The following ABCA10 variants were observed in gnomAD, a reference collection of about 807,000 sequenced individuals.
ABCA10 encodes ATP-binding cassette sub-family A member 10.
ABCA10 carries 169 observed loss-of-function variants against 187.5 expected under a neutral mutation model. The ratio of observed to expected loss-of-function variants is 0.90; its 90% CI spans 0.80 to 1.02. The LOEUF (loss-of-function observed/expected upper bound fraction) is 1.02. ABCA10 is among the 50% of genes least tolerant of loss of function. ABCA10 has a pLI of 0.00. For synonymous variants in ABCA10, 574 were observed against 601.8 expected (o/e 0.95, Z 0.68); for missense variants, 1,727 against 1,812.4 (o/e 0.95, Z 0.86).
intron 1 of ABCA10, among the ~76,000 whole-genome samples, chr17:69,244,138 G>A (rs531302179): frequency 6.6e-6 from 1 of 152,042 alleles, no homozygotes; most frequent in Non-Finnish European, 1.5e-5. Context: ...GTGATAATGT[G>A]TAAGTTAAAG....
At chr17:69,185,699 A>G in intron 19 of ABCA10, 56 bp from the exon 20 acceptor site, 1 of 1,405,906 alleles carries the variant, frequency 7.1e-7, no homozygotes, top group Non-Finnish European at 9.8e-7. Flanking sequence ...TGGTTATTTA[A>G]GTCACAAAGA....
At chr17:69,236,442 A>G in intron 1 of ABCA10, among the ~76,000 whole-genome samples, 1 of 152,196 alleles carries the variant, frequency 6.6e-6, no homozygotes, top group Non-Finnish European at 1.5e-5. Flanking sequence ...ATGCACAAAG[A>G]CCTTGAGAAT....
At chr17:69,155,628 AAATT>A (rs1336455866) in intron 29 of ABCA10, among the ~76,000 whole-genome samples, 173 bp downstream of exon 29, 1 of 152,234 alleles carries the variant, frequency 6.6e-6, no homozygotes. Flanking sequence ...GAAGAAGAAA[AAATT>A]AAAAGAATGA....
chr17:69,178,063 T>C (rs1323028709), intron 22 of ABCA10, among the ~76,000 whole-genome samples: 1 of 140,196 alleles, frequency 7.1e-6, no homozygotes, highest in Non-Finnish European at 1.6e-5. Context: ...TGGGAGGTGC[T>C]CAATAACTAA....
At chr17:69,170,515 TA>T (rs1299590438) in intron 25 of ABCA10, among the ~76,000 whole-genome samples, 3 of 151,838 alleles carry the variant, frequency 2.0e-5, no homozygotes, top group Non-Finnish European at 4.4e-5. Context: ...CAATGCCTTG[TA>T]AGGAGTAATT....
intron 1 of ABCA10, among the ~76,000 whole-genome samples, chr17:69,242,244 C>A (rs534520897): frequency 6.6e-6 from 1 of 152,276 alleles, no homozygotes; most frequent in Non-Finnish European, 1.5e-5. Flanking sequence ...AAAGAAATTA[C>A]TAGCCAATAC....
At chr17:69,163,181 A>G (rs1055178553) in intron 27 of ABCA10, among the ~76,000 whole-genome samples, 2 of 152,000 alleles carry the variant, frequency 1.3e-5, no homozygotes, top group Non-Finnish European at 2.9e-5. Context: ...CCATTTTCCC[A>G]TGAGGATTTT....
chr17:69,201,064 A>T (rs1290807938), intron 10 of ABCA10, among the ~76,000 whole-genome samples: 1 of 152,212 alleles, frequency 6.6e-6, no homozygotes, highest in African/African-American at 2.4e-5. Context: ...CATATAGTTT[A>T]ACTGAAAGTC....
intron 20 of ABCA10, among the ~76,000 whole-genome samples, chr17:69,184,867 G>A (rs969573701): frequency 0.015 from 1,379 of 90,582 alleles, 13 homozygotes; most frequent in Non-Finnish European, 0.026. Flanking sequence ...GTGTGTGTGT[G>A]TGTGTATATA....
intron 9 of ABCA10, among the ~76,000 whole-genome samples, chr17:69,206,115 T>C (rs903335809): frequency 2.0e-5 from 3 of 152,240 alleles, no homozygotes; most frequent in South Asian, 2.1e-4. Context: ...AAGAACATTA[T>C]TGTTCTTATT....
chr17:69,191,285 TTC>T lies in ABCA10; in HGVS notation c.1900_1901del (p.Glu634LysfsTer7), dbSNP rs1491521977. The T allele has an allele frequency of 2.5e-6, 4 of 1,597,970 alleles. No homozygotes were observed. The South Asian group carries it at 4.5e-5, about 18-fold the overall frequency. On this transcript the variant is annotated frameshift_variant, in exon 17 of 39. Coordinates refer to ENST00000690296, the MANE Select transcript of ABCA10 (RefSeq NM_001377321.1). ...GCTGCTTAATAAGGGATGTGATTTT[TTC>T]TGTGTCACACATTTCATTCCTGTGT... The part of the protein sequence containing the change: ...SLHRNEMCDT[E>X]KITSLIKQHI...
At chr17:69,205,767 G>A (rs1001855184) in intron 9 of ABCA10, among the ~76,000 whole-genome samples, 5 of 152,180 alleles carry the variant, frequency 3.3e-5, no homozygotes, top group African/African-American at 4.8e-5. Flanking sequence ...GATTACTTGT[G>A]CTTCTGGGCA....
chr17:69,175,357 CA>C, intron 23 of ABCA10, 48 bp downstream of exon 23: 1 of 1,509,728 alleles, frequency 6.6e-7, no homozygotes. Context: ...GCAATTACTA[CA>C]GTCAAATAAA....
intron 32 of ABCA10, 97 bp from the exon 33 acceptor site, chr17:69,153,643 A>T (rs1413323709): frequency 8.7e-6 from 13 of 1,493,868 alleles, no homozygotes; most frequent in Non-Finnish European, 1.2e-5. Context: ...TCTAGATAGT[A>T]AATTTAAGCT....
At chr17:69,209,436 C>G (rs2074619367) in intron 9 of ABCA10, among the ~76,000 whole-genome samples, 2 of 152,170 alleles carry the variant, frequency 1.3e-5, no homozygotes. Context: ...AATTGGAAAA[C>G]TGTATTATTT....
chr17:69,160,432 C>T (rs999896359), intron 27 of ABCA10, among the ~76,000 whole-genome samples: 15 of 152,026 alleles, frequency 9.9e-5, no homozygotes, highest in African/African-American at 3.6e-4. Context: ...CATGGTGAAA[C>T]CCCCTCTCTA....
At chr17:69,212,084 C>T (rs1056381301) in intron 9 of ABCA10, among the ~76,000 whole-genome samples, 7 of 152,042 alleles carry the variant, frequency 4.6e-5, no homozygotes, top group African/African-American at 1.7e-4. Flanking sequence ...TCTATTTGTG[C>T]TCTTTCAGAC....
chr17:69,154,837 G>A (rs1025764095), intron 30 of ABCA10, among the ~76,000 whole-genome samples, 182 bp downstream of exon 30: 1 of 152,168 alleles, frequency 6.6e-6, no homozygotes, highest in Non-Finnish European at 1.5e-5. Context: ...CTTGCCATTT[G>A]AATTGGGACA....
At chr17:69,238,734 T>C (rs2074886974) in intron 1 of ABCA10, among the ~76,000 whole-genome samples, 1 of 152,140 alleles carries the variant, frequency 6.6e-6, no homozygotes, top group African/African-American at 2.4e-5. Context: ...ACCAATACCA[T>C]ATATCATTTG....
Sources: gnomAD v4.1 joint callset for allele counts (sites outside exome capture counted in the v4.1 genomes callset) on GRCh38, gnomAD v4.1.1 for gene constraint, MANE v1.5 for transcripts, NCBI Gene and HGNC (gene_info 2026-07-23, HGNC 2026-07-21) for gene names.